ADAM9: variants seen among roughly 807,000 people sequenced by gnomAD.
ADAM9 encodes ADAM metallopeptidase domain 9, also known as disintegrin and metalloproteinase domain-containing protein 9.
ADAM9 carries 54 observed loss-of-function variants against 108.1 expected under a neutral mutation model. The observed-to-expected ratio is 0.50, with a 90% CI of 0.40 to 0.63. ADAM9 has a LOEUF of 0.63. Ranked by LOEUF, ADAM9 falls within the 20% of genes least tolerant of loss-of-function variation. The pLI, the probability that ADAM9 is intolerant of heterozygous loss-of-function variation, is 0.00. For synonymous variants in ADAM9, 316 were observed against 336.0 expected (o/e 0.94, Z 0.65); for missense variants, 830 against 997.7 (o/e 0.83, Z 2.26).
chr8:39,032,604 TC>T (rs1378801457), intron 11 of ADAM9, among the ~76,000 whole-genome samples: 10 of 152,210 alleles, frequency 6.6e-5, no homozygotes, highest in Non-Finnish European at 1.5e-4. Context: ...GAGAGGGAAA[TC>T]CCCTGACCTC....
At chr8:39,054,403 G>A in intron 12 of ADAM9, 78 bp from the exon 13 acceptor site, 1 of 1,245,050 alleles carries the variant, frequency 8.0e-7, no homozygotes, top group Non-Finnish European at 1.2e-6. Flanking sequence ...TAGATTTTAG[G>A]TGTAAGATGA....
At chr8:39,097,542 G>A (rs1263990704) in intron 20 of ADAM9, among the ~76,000 whole-genome samples, 4 of 151,964 alleles carry the variant, frequency 2.6e-5, no homozygotes, top group Admixed American at 6.6e-5. Flanking sequence ...TCCTGACCTC[G>A]TGATCCGCCC....
At chr8:39,001,522 GT>G (rs1835991260) in intron 1 of ADAM9, among the ~76,000 whole-genome samples, 1 of 152,048 alleles carries the variant, frequency 6.6e-6, no homozygotes, top group Non-Finnish European at 1.5e-5. Context: ...AATGGGTGGT[GT>G]TTTTCCCAAA....
In ADAM9 at chr8:39,090,049, A is replaced by G. The variant is rs972542655; in HGVS notation, c.2071A>G (p.Met691Val). ...TGATGTAAAATTCTTCTCTCTAGAAATGAATACTGCATTGAGGGACGGACT... is the reference window on the plus strand; with the variant it reads ...TGATGTAAAATTCTTCTCTCTAGAAGTGAATACTGCATTGAGGGACGGACT... ...SVDSGPTYNEMNTALRDGLLV... is the reference protein window; with the variant it reads ...SVDSGPTYNEVNTALRDGLLV... Residue 691 changes from methionine (M) to valine (V), a missense_variant and splice_region_variant, in exon 19 of 22, where the codon ATG (methionine) becomes GTG (valine). Coordinates refer to ENST00000487273, the MANE Select transcript of ADAM9 (RefSeq NM_003816.3). The G allele has an allele frequency of 6.2e-7, 1 of 1,613,758 alleles. No individual in the cohort carries two copies. The highest frequency in any genetic ancestry group is 1.3e-5 in the African/African-American group (1 of 74,888).
chr8:39,013,481 G>A (rs555334703), intron 3 of ADAM9, among the ~76,000 whole-genome samples: 12 of 147,012 alleles, frequency 8.2e-5, no homozygotes, highest in South Asian at 6.5e-4. Context: ...AGAGTTGTCC[G>A]TTTATGAGCT....
In ADAM9 at chr8:39,103,679, T is replaced by G. The variant is rs1839771592; in HGVS notation, c.2439T>G (p.Pro813=). 8 of 1,614,018 alleles carry G rather than the reference T, an allele frequency of 5.0e-6. No homozygotes were observed. The highest frequency in any genetic ancestry group is 6.8e-6 in the Non-Finnish European group (8 of 1,179,898). Residue 813 remains proline, a synonymous_variant, in exon 22 of 22, where the codon CCT becomes CCG. Transcript: ENST00000487273. The stretch of plus-strand genomic sequence containing the variant: ...CTGCCCGTCCTGCTCCTGCACCTCC[T>G]TTATATAGTTCCCTCACTTGATTTT... ...LIPARPAPAP[P]LYSSLT
At chr8:39,074,354 AT>A (rs1173863585) in intron 15 of ADAM9, among the ~76,000 whole-genome samples, 1 of 152,164 alleles carries the variant, frequency 6.6e-6, no homozygotes, top group Non-Finnish European at 1.5e-5. Flanking sequence ...TTCAAGCATT[AT>A]AAAAAAGAAA....
At position 39,012,327 on chromosome 8, in the gene ADAM9, TC is replaced by T. The variant is rs539676526; in HGVS notation, c.254+613del. Among the ~76,000 whole-genome samples the T allele has an allele frequency of 3.7e-3, 570 of 152,302 alleles. 2 individuals carry two copies. The highest frequency in any genetic ancestry group is 5.7e-3 in the Non-Finnish European group (386 of 68,024). ...ACCTAACTAAATCGGACAAAAACCT[TC>T]CATTTATTCATCTCTAGTCAATATA... is the stretch of plus-strand genomic sequence containing the variant. On this transcript the variant is annotated intron_variant, in intron 3 of 21. Coordinates refer to ENST00000487273, the MANE Select transcript of ADAM9 (RefSeq NM_003816.3).
chr8:39,005,599 G>A (rs944792819), intron 1 of ADAM9, among the ~76,000 whole-genome samples: 1 of 152,170 alleles, frequency 6.6e-6, no homozygotes, highest in African/African-American at 2.4e-5. Context: ...TTTATTCTGA[G>A]CTGCAGTTAG....
rs1166677969 is a variant in ADAM9, at chr8:39,045,556, ATATGTGTGTGTGTG to A, written c.1302+3443_1302+3456del. Among the ~76,000 whole-genome samples, 85 of 63,950 alleles carry A rather than the reference ATATGTGTGTGTGTG, an allele frequency of 1.3e-3. 1 individual carries two copies. The highest frequency in any genetic ancestry group is 5.2e-3 in the African/African-American group (80 of 15,466). 42.0% of individuals were successfully genotyped at this position (63,950 alleles called of 152,430 possible). On this transcript the variant is annotated intron_variant, in intron 12 of 21. Transcript: ENST00000487273. ...TATGTGTGTATATATGTGTGTGTGT[ATATGTGTGTGTGTG>A]TATATATATATATATATAAAAGATT...
intron 12 of ADAM9, among the ~76,000 whole-genome samples, chr8:39,048,370 T>C (rs991370024): frequency 1.3e-5 from 2 of 152,248 alleles, no homozygotes; most frequent in Non-Finnish European, 2.9e-5. Context: ...ATTTTCCATT[T>C]TCCTTTCTGC....
chr8:39,082,855 C>T (rs1021160974), intron 17 of ADAM9, 113 bp from the exon 18 acceptor site: 28 of 1,327,170 alleles, frequency 2.1e-5, no homozygotes, highest in African/African-American at 5.8e-5. Flanking sequence ...CATTCTTAAA[C>T]AGTGTCAGTA....
At chr8:39,096,396 A>C (rs781364522) in intron 20 of ADAM9, among the ~76,000 whole-genome samples, 18 of 152,256 alleles carry the variant, frequency 1.2e-4, no homozygotes, top group Non-Finnish European at 2.2e-4. Context: ...ATAGCAATCT[A>C]TTTTAAACTG....
chr8:39,006,084 G>A (rs1045059828), intron 1 of ADAM9, among the ~76,000 whole-genome samples: 1 of 152,148 alleles, frequency 6.6e-6, no homozygotes, highest in Non-Finnish European at 1.5e-5. Flanking sequence ...CAGGAACCTC[G>A]TACAGGGACT....
chr8:39,054,617 A>G (rs745637687), intron 13 of ADAM9, 44 bp downstream of exon 13: 2 of 1,525,306 alleles, frequency 1.3e-6, no homozygotes, highest in African/African-American at 1.4e-5. Context: ...AAAAAAAAAA[A>G]AAAAAGAAAA....
chr8:39,086,463 A>G (rs908612757), intron 18 of ADAM9, among the ~76,000 whole-genome samples: 10 of 152,120 alleles, frequency 6.6e-5, no homozygotes, highest in Admixed American at 6.5e-4. Context: ...TGTAGTTTTT[A>G]TTTCTGGAAG....
chr8:39,090,459 C>T (rs867844787), intron 19 of ADAM9, among the ~76,000 whole-genome samples: 3 of 152,126 alleles, frequency 2.0e-5, no homozygotes, highest in Non-Finnish European at 4.4e-5. Flanking sequence ...TGAGCCTCCA[C>T]GCTCAGCCTA....
At chr8:39,028,522 C>G (rs1435140213) in intron 11 of ADAM9, among the ~76,000 whole-genome samples, 1 of 152,002 alleles carries the variant, frequency 6.6e-6, no homozygotes, top group African/African-American at 2.4e-5. Context: ...TGAGATAAGT[C>G]ATAGATTAAA....
rs549165855 is a variant in ADAM9, at chr8:39,073,608, G to A, written c.1697+2205G>A. Reference sequence around the variant, plus strand: ...ACATTGAATGAATGAAGGTACAGATGATATGGATGAAGAATGAATGGGTGG... The same window carrying A: ...ACATTGAATGAATGAAGGTACAGATAATATGGATGAAGAATGAATGGGTGG... On this transcript the variant is annotated intron_variant, in intron 15 of 21. Transcript: ENST00000487273. 3.3e-5 allele frequency among the ~76,000 whole-genome samples: 5 copies of A among 152,292 alleles called. No individual in the cohort carries two copies. In the South Asian group the frequency reaches 1.0e-3, roughly 32 times the overall value.
Sources: allele counts gnomAD v4.1 joint callset (sites outside exome capture counted in the v4.1 genomes callset), GRCh38; gene constraint gnomAD v4.1.1; transcripts MANE v1.5; gene names NCBI Gene and HGNC (gene_info 2026-07-23, HGNC 2026-07-21).